RNF6: variants seen among roughly 807,000 people sequenced by gnomAD.
The protein encoded by RNF6 is ring finger protein 6.
In RNF6, 21 loss-of-function variants were observed where a neutral mutation model predicts 50.1. That is an observed-to-expected ratio of 0.42 (90% CI 0.30 to 0.60). The LOEUF is 0.60. Ranked by LOEUF, RNF6 falls within the 20% of genes least tolerant of loss-of-function variation. The pLI, the probability that RNF6 is intolerant of heterozygous loss-of-function variation, is 0.20. For missense variants in RNF6, 698 were observed against 838.2 expected (o/e 0.83, Z 2.07); for synonymous variants, 255 against 291.8 (o/e 0.87, Z 1.29).
At chr13:26,133,739 A>T (rs1870508555) in intron 5 of RNF6, among the ~76,000 whole-genome samples, 1 of 151,702 alleles carries the variant, frequency 6.6e-6, no homozygotes, top group Non-Finnish European at 1.5e-5. Context: ...TTATTTTTCC[A>T]TTTGTTTCAG....
intron 2 of RNF6, among the ~76,000 whole-genome samples, chr13:26,220,995 G>A (rs1870428290): frequency 6.6e-6 from 1 of 152,036 alleles, no homozygotes; most frequent in South Asian, 2.1e-4. Context: ...TTGAACAAAT[G>A]ACCTAGTAAC....
At chr13:26,154,104 G>A (rs1277103736) in intron 5 of RNF6, 5 of 152,232 alleles carry the variant, frequency 3.3e-5, no homozygotes, top group Admixed American at 3.3e-4. Flanking sequence ...CAAGAAGAAA[G>A]CACTGGCAGC....
intron 5 of RNF6, among the ~76,000 whole-genome samples, chr13:26,160,953 A>G (rs1216389117): frequency 1.3e-5 from 2 of 152,094 alleles, no homozygotes; most frequent in Non-Finnish European, 2.9e-5. Flanking sequence ...TAATGGACTC[A>G]TTTTAATTTA....
At position 26,141,165 on chromosome 13, in the gene RNF6, GC is replaced by G. The variant is rs1393211411; in HGVS notation, n.769-8715del. 4.6e-5 allele frequency among the ~76,000 whole-genome samples: 7 copies of G among 152,176 alleles called. No individual in the cohort carries two copies. In the East Asian group the frequency reaches 1.4e-3, roughly 29 times the overall value. ...ATGGAACCAAAGAAGAGCGTGAATA[GC>G]CGAAGCAATCCTAAGCAAAAAGAAC... On this transcript the variant is annotated intron_variant and non_coding_transcript_variant, in intron 5 of 5. Coordinates refer to the RNF6 transcript ENST00000468480.
intron 5 of RNF6, among the ~76,000 whole-genome samples, chr13:26,186,859 T>G (rs9581580): frequency 0.65 from 97,612 of 151,098 alleles, 32,188 homozygotes; most frequent in Middle Eastern, 0.72. Context: ...CTCACTGCAA[T>G]TTCCGCCTCC....
chr13:26,167,506 T>C (rs1165900471), intron 5 of RNF6, among the ~76,000 whole-genome samples: 1 of 152,078 alleles, frequency 6.6e-6, no homozygotes, highest in African/African-American at 2.4e-5. Context: ...CGAGATACCA[T>C]CTTAAATCAG....
intron 4 of RNF6, 24 bp downstream of exon 4, chr13:26,218,487 C>T: frequency 1.3e-6 from 2 of 1,560,282 alleles, no homozygotes; most frequent in Non-Finnish European, 1.8e-6. Context: ...AAGCCTGTTC[C>T]TTATGGAAAG....
At position 26,197,434 on chromosome 13, in the gene RNF6, ATC is replaced by A. The variant is rs1201017849; in HGVS notation, n.768+18038_768+18039del. 2.6e-5 allele frequency among the ~76,000 whole-genome samples: 4 copies of A among 152,070 alleles called. No homozygotes were observed. In the East Asian group the frequency reaches 7.7e-4, roughly 29 times the overall value. ...AATCATTAGAAAGCATAGGGCCTCT[ATC>A]TCTCAGTCTCTGTGGAGGTAGAAGT... is the stretch of plus-strand genomic sequence containing the variant. On this transcript the variant is annotated intron_variant and non_coding_transcript_variant, in intron 5 of 5. Transcript: ENST00000468480.
chr13:26,218,988 G>C (rs117040712), intron 3 of RNF6, among the ~76,000 whole-genome samples: 1,587 of 152,082 alleles, frequency 0.01, 15 homozygotes, highest in Non-Finnish European at 0.017. Context: ...TTCATTATAT[G>C]GGTCATCAAT....
At position 26,222,121 on chromosome 13, in the gene RNF6, G is replaced by C. The variant is rs1428240142; in HGVS notation, c.-220C>G. 1 of 152,440 alleles carries C rather than the reference G, an allele frequency of 6.6e-6. No individual in the cohort carries two copies. 9.4% of individuals were successfully genotyped at this position (152,440 alleles called of 1,614,324 possible). A position where few individuals can be genotyped will look rare whatever the true frequency, so the allele number is the denominator to read the frequency against. The stretch of plus-strand genomic sequence containing the variant: ...GGATAGGCTTGCCGCCGCGCCTCCG[G>C]AGCCCGCTGTGCCCTCGAATTGGCC... On this transcript the variant is annotated 5_prime_UTR_variant, in exon 1 of 5. Coordinates refer to ENST00000381588, the MANE Select transcript of RNF6 (RefSeq NM_005977.4).
At chr13:26,150,680 CACA>C (rs1234515475) in intron 5 of RNF6, 1 of 151,288 alleles carries the variant, frequency 6.6e-6, no homozygotes, top group Admixed American at 6.6e-5. Flanking sequence ...ATTCACTCTT[CACA>C]ACAACTATAG....
chr13:26,160,251 G>T (rs997962033), intron 5 of RNF6, among the ~76,000 whole-genome samples: 2 of 152,168 alleles, frequency 1.3e-5, no homozygotes, highest in African/African-American at 4.8e-5. Context: ...TGTTGATTTT[G>T]AGGGACTTCC....
chr13:26,140,035 T>C (rs903811551), intron 5 of RNF6, among the ~76,000 whole-genome samples: 14 of 152,168 alleles, frequency 9.2e-5, no homozygotes, highest in African/African-American at 3.1e-4. Flanking sequence ...GCATATAAAA[T>C]GTAACTGACT....
chr13:26,160,821 C>T (rs1872178043), intron 5 of RNF6, among the ~76,000 whole-genome samples: 1 of 152,058 alleles, frequency 6.6e-6, no homozygotes, highest in Admixed American at 6.6e-5. Context: ...TTAAAATGGC[C>T]TCCTTCTTGC....
intron 5 of RNF6, among the ~76,000 whole-genome samples, chr13:26,148,239 C>T (rs1377321726): frequency 6.6e-6 from 1 of 152,060 alleles, no homozygotes; most frequent in Non-Finnish European, 1.5e-5. Context: ...AAACTGCCCC[C>T]ATGATCCAAT....
intron 5 of RNF6, among the ~76,000 whole-genome samples, chr13:26,148,631 TTTATATATATATATATA>T (rs1343225062): frequency 2.6e-5 from 2 of 77,816 alleles, no homozygotes; most frequent in South Asian, 4.9e-4. Flanking sequence ...TATAAATCTC[TTTATATATATATATATA>T]TATATATATA....
chr13:26,177,649 C>T (rs1258001696), intron 5 of RNF6, among the ~76,000 whole-genome samples: 2 of 152,208 alleles, frequency 1.3e-5, no homozygotes, highest in African/African-American at 4.8e-5. Context: ...GGCTTCACAA[C>T]CTATCCTCTT....
rs1039033059 is a variant in RNF6 at position 26,216,750 on chromosome 13, C to T, written c.290-1158G>A. 3.9e-5 allele frequency among the ~76,000 whole-genome samples: 6 copies of T among 152,116 alleles called. 1 individual carries two copies. The highest frequency in any genetic ancestry group is 1.3e-4 in the Admixed American group (2 of 15,272). On this transcript the variant is annotated intron_variant, in intron 4 of 4. Transcript: ENST00000381588. ...CAGGCAGATCATGAAGTCAGGAGTTCGAGACCAGCCTGACTGACATGGTAA... is the reference window on the plus strand; with the variant it reads ...CAGGCAGATCATGAAGTCAGGAGTTTGAGACCAGCCTGACTGACATGGTAA...
At chr13:26,136,589 C>T (rs1026576522) in intron 5 of RNF6, among the ~76,000 whole-genome samples, 1 of 152,150 alleles carries the variant, frequency 6.6e-6, no homozygotes. Flanking sequence ...AAGAATAACA[C>T]AAATCGTTCA....
Sources: gnomAD v4.1 joint callset for allele counts (sites outside exome capture counted in the v4.1 genomes callset) on GRCh38, gnomAD v4.1.1 for gene constraint, MANE v1.5 for transcripts, NCBI Gene and HGNC (gene_info 2026-07-23, HGNC 2026-07-21) for gene names.